Variants in TAOK3 observed in about 807,000 individuals in gnomAD.
TAOK3 encodes TAO kinase 3, also known as serine/threonine-protein kinase TAO3.
TAOK3 carries 40 observed loss-of-function variants against 120.4 expected under a neutral mutation model. That is an observed-to-expected ratio of 0.33 (90% CI 0.26 to 0.43). The LOEUF is 0.43. TAOK3 is among the 20% of genes least tolerant of loss of function. The pLI, the probability that TAOK3 is intolerant of heterozygous loss-of-function variation, is 1.00. For missense variants in TAOK3, 821 were observed against 1,112.1 expected (o/e 0.74, Z 3.72); for synonymous variants, 355 against 387.5 (o/e 0.92, Z 0.99).
rs1438039516 is a variant in TAOK3 at position 118,317,275 on chromosome 12, A to AG, written c.-193-50517_-193-50516insC. ...AGTGAAAGTTTGTCTCAAAAAAAAA[A>AG]AAAAAAAAAAATCGCTGGGAGAATT... On this transcript the variant is annotated intron_variant, in intron 1 of 20. Coordinates refer to ENST00000392533, the MANE Select transcript of TAOK3 (RefSeq NM_016281.4). Among the ~76,000 whole-genome samples, 974 of 151,364 alleles carry AG rather than the reference A, an allele frequency of 6.4e-3. 14 individuals are homozygous for AG. Among genetic ancestry groups the AG allele is most frequent in the Non-Finnish European group, 0.011 (748 of 67,824 alleles).
At position 118,335,181 on chromosome 12, in the gene TAOK3, T is replaced by C. The variant is rs139905814; in HGVS notation, c.-194+37467A>G. 1.4e-3 allele frequency among the ~76,000 whole-genome samples: 191 copies of C among 137,136 alleles called. 1 individual carries two copies. The highest frequency in any genetic ancestry group is 4.9e-3 in the African/African-American group (180 of 36,408). 90.0% of individuals were successfully genotyped at this position (137,136 alleles called of 152,430 possible). ...CCTGGGCAACAAGAGCAAAACTATGTCTCAAAAAAAAAAAAAAAAATCTGT... is the reference window on the plus strand; with the variant it reads ...CCTGGGCAACAAGAGCAAAACTATGCCTCAAAAAAAAAAAAAAAAATCTGT... On this transcript the variant is annotated intron_variant, in intron 1 of 20. Coordinates refer to ENST00000392533, the MANE Select transcript of TAOK3 (RefSeq NM_016281.4).
chr12:118,219,889 T>C lies in TAOK3; in HGVS notation c.644-5779A>G, dbSNP rs549051204. Among the ~76,000 whole-genome samples, 18 of 145,936 alleles carry C rather than the reference T, an allele frequency of 1.2e-4. No homozygotes were observed. In the South Asian group the frequency reaches 3.4e-3, roughly 27 times the overall value. ...CCAACCTCCCAAAGTGCTGGGATTA[T>C]AGGCATGAGCGACCATGCCTGGCTT... On this transcript the variant is annotated intron_variant, in intron 9 of 20. Transcript: ENST00000392533.
In TAOK3 at chr12:118,332,615, A is replaced by T. The variant is rs138492874; in HGVS notation, c.-194+40033T>A. On this transcript the variant is annotated intron_variant, in intron 1 of 20. Coordinates refer to ENST00000392533, the MANE Select transcript of TAOK3 (RefSeq NM_016281.4). ...TTGCTGCATTCTTTCCTTAGGATAC[A>T]CAGAAAGAAGCCATGTTACTGTCCT... Among the ~76,000 whole-genome samples, 13 of 152,348 alleles carry T rather than the reference A, an allele frequency of 8.5e-5. No individual in the cohort carries two copies. The East Asian group carries it at 2.5e-3, about 29-fold the overall frequency.
intron 15 of TAOK3, 112 bp downstream of exon 15, chr12:118,181,259 G>A (rs187357559): frequency 5.8e-5 from 55 of 953,274 alleles, no homozygotes; most frequent in African/African-American, 3.4e-4. Context: ...TTGCCACCCC[G>A]GAAACAACAA....
chr12:118,364,474 T>G (rs1436032017), intron 1 of TAOK3, among the ~76,000 whole-genome samples: 1 of 152,222 alleles, frequency 6.6e-6, no homozygotes, highest in Non-Finnish European at 1.5e-5. Context: ...AAGTCATTTA[T>G]CCTCTCTGAG....
chr12:118,152,475 T>G (rs2034519718), intron 19 of TAOK3, 66 bp from the exon 20 acceptor site: 3 of 1,481,240 alleles, frequency 2.0e-6, no homozygotes, highest in Non-Finnish European at 2.7e-6. Context: ...CCTACAGCCC[T>G]TGGTGACTAC....
At chr12:118,278,739 T>C (rs2041989859) in intron 1 of TAOK3, among the ~76,000 whole-genome samples, 1 of 152,248 alleles carries the variant, frequency 6.6e-6, no homozygotes, top group Non-Finnish European at 1.5e-5. Context: ...ATGACTGAAC[T>C]AATTTACATT....
intron 1 of TAOK3, among the ~76,000 whole-genome samples, chr12:118,322,712 A>G (rs950231124): frequency 6.8e-6 from 1 of 147,564 alleles, no homozygotes; most frequent in Admixed American, 6.7e-5. Flanking sequence ...TAAAAAATTT[A>G]AAAACCTTTT....
chr12:118,152,921 T>C (rs77439061), intron 19 of TAOK3, among the ~76,000 whole-genome samples: 2,623 of 152,376 alleles, frequency 0.017, 72 homozygotes, highest in African/African-American at 0.06. Context: ...CGGTTTCAAC[T>C]GATCATGTCC....
At chr12:118,319,014 T>TG (rs1462174963) in intron 1 of TAOK3, among the ~76,000 whole-genome samples, 2 of 152,096 alleles carry the variant, frequency 1.3e-5, no homozygotes, top group Non-Finnish European at 2.9e-5. Flanking sequence ...GTGTGGTATC[T>TG]GAAAAAAAAC....
chr12:118,186,329 T>A (rs1412319179), intron 14 of TAOK3, among the ~76,000 whole-genome samples: 1 of 152,192 alleles, frequency 6.6e-6, no homozygotes, highest in East Asian at 1.9e-4. Context: ...GCAGTGAGAA[T>A]TCCTTCACAA....
At chr12:118,265,401 A>G (rs1474644547) in intron 2 of TAOK3, among the ~76,000 whole-genome samples, 4 of 151,580 alleles carry the variant, frequency 2.6e-5, no homozygotes, top group Non-Finnish European at 5.9e-5. Context: ...GAAGAAAAAA[A>G]AAAAAAAAAA....
chr12:118,353,149 T>C (rs2045248692), intron 1 of TAOK3, among the ~76,000 whole-genome samples: 1 of 152,206 alleles, frequency 6.6e-6, no homozygotes, highest in African/African-American at 2.4e-5. Flanking sequence ...ATGTTTACAT[T>C]AGTGAAGATA....
At chr12:118,152,079 T>C in intron 20 of TAOK3, 148 bp downstream of exon 20, 1 of 696,338 alleles carries the variant, frequency 1.4e-6, no homozygotes, top group Non-Finnish European at 2.3e-6. Context: ...GGACAATGCC[T>C]ACCTCACAAG....
chr12:118,290,420 C>T (rs2042428715), intron 1 of TAOK3, among the ~76,000 whole-genome samples: 1 of 152,186 alleles, frequency 6.6e-6, no homozygotes, highest in South Asian at 2.1e-4. Context: ...GGAAATCTTC[C>T]TGACTGTCCC....
At position 118,199,153 on chromosome 12, in the gene TAOK3, C is replaced by T. The variant is rs2037896062; in HGVS notation, c.1092G>A (p.Val364=). ...CGTCCATGACTTCCTGCATGCTGTT[C>T]ACACTGCTGCTCTGGCTGCCTGTGC... ...SVSTGSQSSS[V]NSMQEVMDES... is the part of the protein sequence containing the mutation. Residue 364 remains valine (V), a synonymous_variant, in exon 13 of 21, where the codon GTG becomes GTA. Coordinates refer to ENST00000392533, the MANE Select transcript of TAOK3 (RefSeq NM_016281.4). 6.2e-6 allele frequency: 10 copies of T among 1,614,184 alleles called. No individual in the cohort carries two copies. The highest frequency in any genetic ancestry group is 7.6e-6 in the Non-Finnish European group (9 of 1,180,038).
chr12:118,270,781 TCTC>T (rs1470536298), intron 1 of TAOK3, among the ~76,000 whole-genome samples: 95 of 151,924 alleles, frequency 6.3e-4, no homozygotes, highest in African/African-American at 2.2e-3. Context: ...TTCACGCCAT[TCTC>T]CTGTCTCAGC....
rs574465806 is a variant in TAOK3, at chr12:118,320,901, T to C, written c.-194+51747A>G. Among the ~76,000 whole-genome samples, 5 of 152,262 alleles carry C rather than the reference T, an allele frequency of 3.3e-5. No homozygotes were observed. In the South Asian group the frequency reaches 1.0e-3, roughly 32 times the overall value. ...AACCCAAATGCCCATCAAAAAGGAA[T>C]TGGTACAATTACACACTTTACTAAT... On this transcript the variant is annotated intron_variant, in intron 1 of 20. Transcript: ENST00000392533.
chr12:118,185,067 G>C (rs1274020357), intron 14 of TAOK3, among the ~76,000 whole-genome samples: 1 of 150,234 alleles, frequency 6.7e-6, no homozygotes, highest in Non-Finnish European at 1.5e-5. Context: ...TGGAGACACA[G>C]AGCACAAGTG....
Sources: gnomAD v4.1 joint callset for allele counts (sites outside exome capture counted in the v4.1 genomes callset) on GRCh38, gnomAD v4.1.1 for gene constraint, MANE v1.5 for transcripts, NCBI Gene and HGNC (gene_info 2026-07-23, HGNC 2026-07-21) for gene names.